TAGLN3: variants seen among roughly 807,000 people sequenced by gnomAD.
TAGLN3 encodes transgelin-3.
Under a neutral mutation model 25.4 loss-of-function variants are expected in TAGLN3, and 12 were observed. That is an observed-to-expected ratio of 0.47 (90% CI 0.30 to 0.77). The LOEUF is 0.77. TAGLN3 is among the 30% of genes least tolerant of loss of function. The pLI, the probability that TAGLN3 is intolerant of heterozygous loss-of-function variation, is 0.06. For synonymous variants in TAGLN3, 96 were observed against 94.8 expected, an observed-to-expected ratio of 1.01 and a Z score of -0.08; for missense variants, 218 against 255.8, an observed-to-expected ratio of 0.85 and a Z score of 1.01.
At chr3:112,004,311 C>T (rs1031680557) in intron 3 of TAGLN3, among the ~76,000 whole-genome samples, 2 of 152,022 alleles carry the variant, frequency 1.3e-5, no homozygotes, top group Non-Finnish European at 2.9e-5. Context: ...GAAGAAAGTA[C>T]TCTGCAGGTA....
chr3:112,003,495 C>T (rs1045786590), intron 3 of TAGLN3, among the ~76,000 whole-genome samples: 4 of 152,090 alleles, frequency 2.6e-5, no homozygotes, highest in African/African-American at 9.7e-5. Flanking sequence ...AGGAATGCTG[C>T]GGGGCAGGGT....
Position 112,000,915 on chromosome 3 carries a change from C to G in TAGLN3, c.324C>G (p.Thr108=). ...KAAETYGVRT[T]DIFQTVDLWE... ...CGGAGACCTATGGTGTCAGAACCAC[C>G]GACATCTTTCAGACGGTGGATCTAT... Residue 108 remains threonine, a synonymous_variant, in exon 3 of 5, where the codon ACC becomes ACG. Coordinates refer to ENST00000478951, the MANE Select transcript of TAGLN3 (RefSeq NM_001008272.2). 1 of 1,614,086 alleles carries G rather than the reference C, an allele frequency of 6.2e-7. No individual in the cohort carries two copies. The highest frequency in any genetic ancestry group is 8.5e-7 in the Non-Finnish European group (1 of 1,180,012).
chr3:112,000,515 A>C, intron 2 of TAGLN3: 1 of 361,988 alleles, frequency 2.8e-6, no homozygotes, highest in Non-Finnish European at 5.0e-6. Flanking sequence ...GAAGGGAGGA[A>C]CAGGGAGGGA....
chr3:112,009,343 T>C (rs2072951728), intron 3 of TAGLN3, among the ~76,000 whole-genome samples: 2 of 152,204 alleles, frequency 1.3e-5, no homozygotes, highest in African/African-American at 4.8e-5. Flanking sequence ...CAAAGACTTA[T>C]GGGCATTGAG....
intron 3 of TAGLN3, among the ~76,000 whole-genome samples, chr3:112,005,214 T>C (rs2072903479): frequency 6.6e-6 from 1 of 152,206 alleles, no homozygotes; most frequent in Non-Finnish European, 1.5e-5. Flanking sequence ...GTAGAATTTT[T>C]GTAAGGATTA....
chr3:112,001,093 T>C (rs1277614349), intron 3 of TAGLN3, 147 bp downstream of exon 3: 1 of 695,970 alleles, frequency 1.4e-6, no homozygotes, highest in Admixed American at 2.8e-5. Context: ...GTGTTTGCCT[T>C]CCCCATTGTT....
chr3:112,006,560 G>A (rs1404144296), intron 3 of TAGLN3, among the ~76,000 whole-genome samples: 1 of 152,158 alleles, frequency 6.6e-6, no homozygotes, highest in Non-Finnish European at 1.5e-5. Flanking sequence ...GAAAAATCCA[G>A]TATTCTAAGA....
Position 112,013,848 on chromosome 3 carries a change from T to C in TAGLN3, c.*297T>C, listed in dbSNP as rs2073006085. 1 of 400,544 alleles carries C rather than the reference T, an allele frequency of 2.5e-6. No homozygotes were observed. Among genetic ancestry groups the C allele is most frequent in the Admixed American group, 3.6e-5 (1 of 27,446 alleles). 24.8% of individuals were successfully genotyped at this position (400,544 alleles called of 1,614,324 possible). ...TTTGCCAAAAATTCTCCTCTTCAAC[T>C]TATAGAATGCACCTAATAAAGTAAT... On this transcript the variant is annotated 3_prime_UTR_variant, in exon 5 of 5. Transcript: ENST00000478951.
At chr3:112,010,747 G>A (rs2072967454) in intron 3 of TAGLN3, among the ~76,000 whole-genome samples, 1 of 152,220 alleles carries the variant, frequency 6.6e-6, no homozygotes, top group African/African-American at 2.4e-5. Flanking sequence ...GGAGGTGGGG[G>A]TAGAGGGGAG....
chr3:111,999,688 G>A (rs796996176), intron 2 of TAGLN3, 86 bp downstream of exon 2: 4 of 1,514,402 alleles, frequency 2.6e-6, no homozygotes, highest in Non-Finnish European at 3.6e-6. Context: ...GCTGCGGGAA[G>A]AGCTGCTGTT....
chr3:112,000,085 A>T (rs2072838802), intron 2 of TAGLN3, among the ~76,000 whole-genome samples: 2 of 152,146 alleles, frequency 1.3e-5, no homozygotes, highest in Non-Finnish European at 2.9e-5. Context: ...ATGAAACTGA[A>T]AGGAGTCCTT....
intron 4 of TAGLN3, 85 bp from the exon 5 acceptor site, chr3:112,013,325 C>A: frequency 6.6e-7 from 1 of 1,519,808 alleles, no homozygotes; most frequent in Non-Finnish European, 8.8e-7. Flanking sequence ...TGGGGACCCC[C>A]AGCAGAGCCT....
At chr3:112,013,358 G>C in intron 4 of TAGLN3, 52 bp from the exon 5 acceptor site, 2 of 1,573,786 alleles carry the variant, frequency 1.3e-6, no homozygotes, top group Middle Eastern at 1.7e-4. Flanking sequence ...ATCTTGAAAA[G>C]GATTGGAAAA....
chr3:112,013,743 T>C lies in TAGLN3; in HGVS notation c.*192T>C. The C allele has an allele frequency of 2.6e-6, 2 of 768,076 alleles. No homozygotes were observed. Among genetic ancestry groups the C allele is most frequent in the Non-Finnish European group, 4.4e-6 (2 of 450,080 alleles). 47.6% of individuals were successfully genotyped at this position (768,076 alleles called of 1,614,324 possible). A position where few individuals can be genotyped will look rare whatever the true frequency, so the allele number is the denominator to read the frequency against. ...GCCACCTCCTGTTCATTTAGAACTA[T>C]GCAAAGACTCCGCTTCCGTTTTCCT... On this transcript the variant is annotated 3_prime_UTR_variant, in exon 5 of 5. Transcript: ENST00000478951.
chr3:112,013,344 G>T (rs2072999765), intron 4 of TAGLN3, 66 bp from the exon 5 acceptor site: 1 of 1,555,842 alleles, frequency 6.4e-7, no homozygotes, highest in Admixed American at 1.9e-5. Flanking sequence ...CTGTCTAATT[G>T]CATATCTTGA....
intron 3 of TAGLN3, among the ~76,000 whole-genome samples, chr3:112,008,307 T>A (rs1286719315): frequency 3.3e-5 from 5 of 152,188 alleles, no homozygotes; most frequent in Non-Finnish European, 7.3e-5. Context: ...TTTATAAATT[T>A]ATTTCATTTA....
chr3:112,001,071 AT>A (rs1219744261), intron 3 of TAGLN3, 125 bp downstream of exon 3: 1 of 836,502 alleles, frequency 1.2e-6, no homozygotes, highest in Non-Finnish European at 1.9e-6. Flanking sequence ...CTCAGCTGTT[AT>A]CCTGGGGGCA....
chr3:112,011,677 C>T, intron 3 of TAGLN3, 86 bp from the exon 4 acceptor site: 9 of 1,302,482 alleles, frequency 6.9e-6, no homozygotes, highest in African/African-American at 1.5e-5. Context: ...TCTATCAGAA[C>T]TTCCCTCCTG....
chr3:112,003,843 T>C (rs2072888599), intron 3 of TAGLN3, among the ~76,000 whole-genome samples: 1 of 152,168 alleles, frequency 6.6e-6, no homozygotes, highest in South Asian at 2.1e-4. Flanking sequence ...GCCCTCTGAC[T>C]CTTCAGGCTG....
Sources: gnomAD v4.1 joint callset for allele counts (sites outside exome capture counted in the v4.1 genomes callset) on GRCh38, gnomAD v4.1.1 for gene constraint, MANE v1.5 for transcripts, NCBI Gene and HGNC (gene_info 2026-07-23, HGNC 2026-07-21) for gene names.